Variants in RAD23A observed in about 807,000 individuals in gnomAD.
The protein encoded by RAD23A is RAD23 nucleotide excision repair protein A, also known as lysine-specific demethylase RAD23A.
RAD23A carries 16 observed loss-of-function variants against 44.8 expected under a neutral mutation model. That is an observed-to-expected ratio of 0.36 (90% confidence interval 0.24 to 0.54). The LOEUF is 0.54. Ranked by LOEUF, RAD23A falls within the 20% of genes least tolerant of loss-of-function variation. The probability of loss-of-function intolerance (pLI) is 0.89; values close to 1 mark genes in which losing one functional copy is unlikely to be tolerated. For synonymous variants in RAD23A, 217 were observed against 202.9 expected (o/e 1.07, Z -0.59); for missense variants, 380 against 483.3 (o/e 0.79, Z 2.00).
At chr19:12,950,607 T>C (rs926214948) in intron 7 of RAD23A, among the ~76,000 whole-genome samples, 1 of 152,110 alleles carries the variant, frequency 6.6e-6, no homozygotes, top group Admixed American at 6.5e-5. Flanking sequence ...TTCACCCTGT[T>C]AGCCAGGATG....
intron 1 of RAD23A, 40 bp downstream of exon 1, chr19:12,946,060 T>TGG: frequency 7.9e-7 from 1 of 1,272,658 alleles, no homozygotes; most frequent in Non-Finnish European, 1.1e-6. Flanking sequence ...GAGCGACGGG[T>TGG]TTCGGGGGTG....
rs1345229835 is a variant in RAD23A, at chr19:12,948,452, A to G, written c.417-45A>G. The G allele has an allele frequency of 6.4e-7, 1 of 1,550,422 alleles. No individual in the cohort carries two copies. The highest frequency in any genetic ancestry group is 1.4e-5 in the African/African-American group (1 of 72,934). ...GTCCCACACACCTGGAGGGAGGGCA[A>G]GCCGCCAGAAGCCAGGGTCCGATTT... On this transcript the variant is annotated intron_variant, in intron 3 of 8. Transcript: ENST00000586534. The surrounding 1 kb of genome is among the most constrained non-coding windows in gnomAD (Gnocchi z 5.5).
At chr19:12,952,666 C>T in intron 7 of RAD23A, 23 bp from the exon 8 acceptor site, 1 of 1,596,472 alleles carries the variant, frequency 6.3e-7, no homozygotes, top group Non-Finnish European at 8.6e-7. Flanking sequence ...GAATTACCTT[C>T]CCTTCCCCAC....
At position 12,945,924 on chromosome 19, in the gene RAD23A, G is replaced by GCCGCCGCGTCGCTCGGGCC; in HGVS notation, c.-19_-1dup. On this transcript the variant is annotated 5_prime_UTR_variant, in exon 1 of 9. Coordinates refer to ENST00000586534, the MANE Select transcript of RAD23A (RefSeq NM_005053.4). ...TTGCATGTTGTGTGAGGATCCCGGG[G>GCCGCCGCGTCGCTCGGGCC]CCGCCGCGTCGCTCGGGCCCCGCCA... 1 of 1,606,446 alleles carries GCCGCCGCGTCGCTCGGGCC rather than the reference G, an allele frequency of 6.2e-7. No individual in the cohort carries two copies. Among genetic ancestry groups the GCCGCCGCGTCGCTCGGGCC allele is most frequent in the Non-Finnish European group, 8.5e-7 (1 of 1,177,676 alleles).
intron 7 of RAD23A, among the ~76,000 whole-genome samples, chr19:12,949,811 T>C (rs940400576): frequency 6.6e-6 from 1 of 152,066 alleles, no homozygotes; most frequent in African/African-American, 2.4e-5. Flanking sequence ...TGTGCCCCAG[T>C]TGGCTCTGGG....
intron 1 of RAD23A, among the ~76,000 whole-genome samples, chr19:12,946,666 C>T (rs1014834954): frequency 1.3e-5 from 2 of 152,128 alleles, no homozygotes; most frequent in Admixed American, 6.5e-5. Context: ...GATTCAAATT[C>T]GGTTCTGCCT....
rs762439394 is a variant in RAD23A at position 12,948,156 on chromosome 19, C to T, written c.235-21C>T. 6.2e-7 allele frequency: 1 copy of T among 1,613,822 alleles called. No homozygotes were observed. Among genetic ancestry groups the T allele is most frequent in the Non-Finnish European group, 8.5e-7 (1 of 1,179,942 alleles). ...TCTGATAGGGTTGCTGATGCCAGCTCCCTTTTTCTTGCTGTTGCAGACCAA... is the reference window on the plus strand; with the variant it reads ...TCTGATAGGGTTGCTGATGCCAGCTTCCTTTTTCTTGCTGTTGCAGACCAA... On this transcript the variant is annotated intron_variant, in intron 2 of 8. Transcript: ENST00000586534. This position sits in a 1 kb window ranked among gnomAD's most constrained non-coding sequence, Gnocchi z 5.5.
rs775703672 is a variant in RAD23A, at chr19:12,946,028, CCGGGCCGGAGCCCGGGGG to C, written c.72+13_72+30del. 8 of 1,368,644 alleles carry C rather than the reference CCGGGCCGGAGCCCGGGGG, an allele frequency of 5.8e-6. No individual in the cohort carries two copies. The highest frequency in any genetic ancestry group is 7.8e-6 in the Non-Finnish European group (8 of 1,027,544). 84.8% of individuals were successfully genotyped at this position (1,368,644 alleles called of 1,614,324 possible). A position where few individuals can be genotyped will look rare whatever the true frequency, so the allele number is the denominator to read the frequency against. ...ATGGAGCCTGACGAGACGGTGCGGG[CCGGGCCGGAGCCCGGGGG>C]CGGGAGCGACGGGTTTCGGGGGTGG... On this transcript the variant is annotated intron_variant, in intron 1 of 8. Transcript: ENST00000586534.
rs1971735338 is a variant in RAD23A at position 12,948,933 on chromosome 19, C to T, written c.600+120C>T. 2.6e-6 allele frequency: 4 copies of T among 1,538,986 alleles called. No individual in the cohort carries two copies. The highest frequency in any genetic ancestry group is 3.6e-5 in the Admixed American group (2 of 55,006). ...AAAGCCTTTGGGTAGTGATTCTAGC[C>T]ACTAAAGGCTTCCCACAGGAGGCTG... On this transcript the variant is annotated intron_variant, in intron 5 of 8. Coordinates refer to ENST00000586534, the MANE Select transcript of RAD23A (RefSeq NM_005053.4). This position sits in a 1 kb window ranked among gnomAD's most constrained non-coding sequence, Gnocchi z 5.5.
At chr19:12,950,751 T>C (rs535003564) in intron 7 of RAD23A, among the ~76,000 whole-genome samples, 20 of 152,174 alleles carry the variant, frequency 1.3e-4, no homozygotes, top group African/African-American at 4.1e-4. Flanking sequence ...ATGCATACAA[T>C]GGTAGAGTTA....
intron 7 of RAD23A, chr19:12,949,684 G>A (rs2073040251): frequency 2.0e-6 from 1 of 511,512 alleles, no homozygotes; most frequent in South Asian, 2.5e-5. Context: ...CACGCAGCTG[G>A]TAGTGTGTGT....
rs1971664321 is a variant in RAD23A, at chr19:12,946,082, G to A, written c.72+62G>A. ...GGGTTTCGGGGGTGGGGTGGGGGCG[G>A]GGAGGCTAGAATCCCAACGGGAGGG... On this transcript the variant is annotated intron_variant, in intron 1 of 8. Transcript: ENST00000586534. 5 of 1,054,540 alleles carry A rather than the reference G, an allele frequency of 4.7e-6. 1 individual carries two copies. In the South Asian group the frequency reaches 6.9e-5, roughly 14 times the overall value. 65.3% of individuals were successfully genotyped at this position (1,054,540 alleles called of 1,614,324 possible).
At position 12,953,007 on chromosome 19, in the gene RAD23A, G is replaced by A. The variant is rs1349462779; in HGVS notation, c.1050G>A (p.Leu350=). The A allele has an allele frequency of 6.2e-7, 1 of 1,613,936 alleles. No homozygotes were observed. The highest frequency in any genetic ancestry group is 8.5e-7 in the Non-Finnish European group (1 of 1,179,994). The change falls in exon 9 of 9, where the codon TTG becomes TTA. Residue 350 remains leucine, a synonymous_variant. Transcript: ENST00000586534. ...TCGCGTGTGAAAAAAATGAGAACTTGGCTGCCAACTTCCTCCTGAGTCAGA... is the reference window on the plus strand; with the variant it reads ...TCGCGTGTGAAAAAAATGAGAACTTAGCTGCCAACTTCCTCCTGAGTCAGA... The part of the protein sequence containing the change: ...AYFACEKNEN[L]AANFLLSQNF...
intron 1 of RAD23A, among the ~76,000 whole-genome samples, chr19:12,946,513 T>A (rs16978829): frequency 0.051 from 7,734 of 152,260 alleles, 687 homozygotes; most frequent in African/African-American, 0.18. Flanking sequence ...GTTTACTTTT[T>A]ATCAGTCACC....
At chr19:12,950,319 C>G in intron 7 of RAD23A, among the ~76,000 whole-genome samples, 1 of 152,236 alleles carries the variant, frequency 6.6e-6, no homozygotes, top group East Asian at 1.9e-4. Flanking sequence ...CACTCCAGCT[C>G]TCTGGTAGCC....
chr19:12,953,010 T>C lies in RAD23A; in HGVS notation c.1053T>C (p.Ala351=). 1 of 1,613,982 alleles carries C rather than the reference T, an allele frequency of 6.2e-7. No individual in the cohort carries two copies. Among genetic ancestry groups the C allele is most frequent in the Non-Finnish European group, 8.5e-7 (1 of 1,179,982 alleles). ...CGTGTGAAAAAAATGAGAACTTGGC[T>C]GCCAACTTCCTCCTGAGTCAGAACT... The part of the protein sequence containing the change: ...YFACEKNENL[A]ANFLLSQNFD... The change falls in exon 9 of 9, where the codon GCT becomes GCC. Residue 351 remains alanine, a synonymous_variant. Transcript: ENST00000586534.
At chr19:12,949,245 G>T in intron 6 of RAD23A, 30 bp from the exon 7 acceptor site, 1 of 1,613,826 alleles carries the variant, frequency 6.2e-7, no homozygotes, top group Non-Finnish European at 8.5e-7. Flanking sequence ...GCCCGGCGTG[G>T]TGTCTGACTG....
chr19:12,953,388 A>C lies in RAD23A; in HGVS notation c.*339A>C. ...CTGCTTGCCTCTCCATCCTCCGAAA[A>C]ACCCCTGAGGACCCCCCCCCATCCT... On this transcript the variant is annotated 3_prime_UTR_variant, in exon 9 of 9. Transcript: ENST00000586534. 2 of 173,622 alleles carry C rather than the reference A, an allele frequency of 1.2e-5. No homozygotes were observed. Among genetic ancestry groups the C allele is most frequent in the East Asian group, 1.5e-4 (1 of 6,616 alleles). 10.8% of individuals were successfully genotyped at this position (173,622 alleles called of 1,614,324 possible). A position where few individuals can be genotyped will look rare whatever the true frequency, so the allele number is the denominator to read the frequency against.
chr19:12,950,371 T>C (rs530612208), intron 7 of RAD23A, among the ~76,000 whole-genome samples: 1 of 152,256 alleles, frequency 6.6e-6, no homozygotes, highest in African/African-American at 2.4e-5. Flanking sequence ...ACAGTCCACT[T>C]TTCAACCATG....
Sources: gnomAD v4.1 joint callset for allele counts (sites outside exome capture counted in the v4.1 genomes callset) on GRCh38, gnomAD v4.1.1 for gene constraint, Gnocchi (gnomAD v3.1) non-coding constraint, MANE v1.5 for transcripts, NCBI Gene and HGNC (gene_info 2026-07-23, HGNC 2026-07-21) for gene names.